Variants in DENND4C observed in about 807,000 individuals in gnomAD.
DENND4C encodes DENN domain-containing protein 4C.
A neutral mutation model predicts 203.0 loss-of-function variants in DENND4C; 108 were observed. The observed-to-expected ratio is 0.53, with a 90% CI of 0.46 to 0.62. DENND4C has a LOEUF of 0.62. Ranked by LOEUF, DENND4C falls within the 20% of genes least tolerant of loss-of-function variation. The probability of loss-of-function intolerance (pLI) is 0.00; values close to 1 mark genes in which losing one functional copy is unlikely to be tolerated. For synonymous variants in DENND4C, 871 were observed against 792.4 expected, an observed-to-expected ratio of 1.10 and a Z score of -1.67; for missense variants, 2,481 against 2,301.2, an observed-to-expected ratio of 1.08 and a Z score of -1.60.
intron 31 of DENND4C, 164 bp downstream of exon 31, chr9:19,370,151 C>T (rs992106430): frequency 4.7e-6 from 4 of 852,824 alleles, no homozygotes; most frequent in African/African-American, 3.6e-5. Flanking sequence ...TACTTGAACA[C>T]AAACACATAA....
At chr9:19,325,736 T>C (rs970511858) in intron 13 of DENND4C, among the ~76,000 whole-genome samples, 1 of 152,168 alleles carries the variant, frequency 6.6e-6, no homozygotes, top group African/African-American at 2.4e-5. Flanking sequence ...CTAATCAAAA[T>C]AGTTTTCTAT....
At chr9:19,371,266 G>GT (rs1437678643) in intron 31 of DENND4C, 1 of 152,744 alleles carries the variant, frequency 6.5e-6, no homozygotes, top group Non-Finnish European at 1.5e-5. Flanking sequence ...TTGCTATTGG[G>GT]TTAAATAGTA....
chr9:19,232,041 A>G (rs1429770245), intron 1 of DENND4C, among the ~76,000 whole-genome samples: 2 of 152,338 alleles, frequency 1.3e-5, no homozygotes, highest in Non-Finnish European at 2.9e-5. Context: ...TAAGAGCAAT[A>G]TTAGTTGCAA....
chr9:19,341,311 C>CTTTTTTTTT (rs5896841), intron 21 of DENND4C, among the ~76,000 whole-genome samples, 197 bp downstream of exon 21: 2 of 120,146 alleles, frequency 1.7e-5, no homozygotes, highest in Non-Finnish European at 1.7e-5. Context: ...TTCTTTCTTT[C>CTTTTTTTTT]TTTTTTTTTT....
Position 19,357,058 on chromosome 9 carries a change from T to A in DENND4C, c.4868T>A (p.Val1623Glu), listed in dbSNP as rs779262745. 5 of 1,613,858 alleles carry A rather than the reference T, an allele frequency of 3.1e-6. No individual in the cohort carries two copies. ...AATGAATCCTTGGAGCACAAACCTG[T>A]ATCCAGTTTAGCAGAACCTGACTTG... ...LANESLEHKP[V>E]SSLAEPDLIN... is the part of the protein sequence containing the mutation. Residue 1623 changes from valine to glutamate, a missense_variant, in exon 27 of 33, where the codon GTA becomes GAA. Coordinates refer to ENST00000434457, the MANE Select transcript of DENND4C (RefSeq NM_001330640.2).
chr9:19,316,850 T>C lies in DENND4C; in HGVS notation c.1807+11T>C, dbSNP rs770009232. Reference sequence around the variant, plus strand: ...TGTTTGACCGACAGGGTGAGTAGCATTGAAAGTACAATTCCTTTTATTGAG... The same window carrying C: ...TGTTTGACCGACAGGGTGAGTAGCACTGAAAGTACAATTCCTTTTATTGAG... On this transcript the variant is annotated intron_variant, in intron 12 of 32. Transcript: ENST00000434457. The C allele has an allele frequency of 3.8e-6, 6 of 1,597,672 alleles. No homozygotes were observed. The highest frequency in any genetic ancestry group is 4.5e-5 in the East Asian group (2 of 44,734).
At chr9:19,356,603 C>T (rs776360665) in intron 26 of DENND4C, among the ~76,000 whole-genome samples, 10 of 151,802 alleles carry the variant, frequency 6.6e-5, no homozygotes, top group Non-Finnish European at 1.5e-4. Flanking sequence ...GCTACTGCAG[C>T]TCTTTATTTT....
At chr9:19,359,817 T>C (rs1173274815) in intron 28 of DENND4C, among the ~76,000 whole-genome samples, 3 of 152,200 alleles carry the variant, frequency 2.0e-5, no homozygotes, top group Non-Finnish European at 4.4e-5. Flanking sequence ...TTGCAATCAG[T>C]TGTAAAAGTG....
rs554043091 is a variant in DENND4C, at chr9:19,292,094, G to A, written c.801+1218G>A. Among the ~76,000 whole-genome samples, 11 of 151,968 alleles carry A rather than the reference G, an allele frequency of 7.2e-5. No individual in the cohort carries two copies. In the East Asian group the frequency reaches 7.7e-4, roughly 11 times the overall value. ...GGCTGGAGTGCAGTGGTGCGATCTC[G>A]GCTCACTGCAACCTCCACCTACCAG... is the stretch of plus-strand genomic sequence containing the variant. On this transcript the variant is annotated intron_variant, in intron 5 of 32. Transcript: ENST00000434457.
chr9:19,343,843 A>T (rs1191853138), intron 22 of DENND4C, among the ~76,000 whole-genome samples: 1 of 152,202 alleles, frequency 6.6e-6, no homozygotes, highest in African/African-American at 2.4e-5. Flanking sequence ...GGGCGAGGAT[A>T]ATGGGGCTTT....
At chr9:19,300,066 A>G in intron 8 of DENND4C, 121 bp from the exon 9 acceptor site, 1 of 1,016,882 alleles carries the variant, frequency 9.8e-7, no homozygotes, top group Admixed American at 3.0e-5. Flanking sequence ...TTCATTGATA[A>G]ATAAGTAAAG....
At chr9:19,300,028 G>A (rs548674259) in intron 8 of DENND4C, among the ~76,000 whole-genome samples, 159 bp from the exon 9 acceptor site, 109 of 152,160 alleles carry the variant, frequency 7.2e-4, no homozygotes, top group African/African-American at 2.4e-3. Context: ...AAATCACCCC[G>A]TTATCTATCT....
chr9:19,362,111 T>TA (rs1437023587), intron 30 of DENND4C, 148 bp downstream of exon 30: 4 of 513,542 alleles, frequency 7.8e-6, no homozygotes. Flanking sequence ...CTGTCTCTAT[T>TA]AAAAATACAA....
intron 1 of DENND4C, among the ~76,000 whole-genome samples, chr9:19,256,996 G>A (rs1285177796): frequency 2.6e-5 from 4 of 151,910 alleles, no homozygotes; most frequent in African/African-American, 9.7e-5. Flanking sequence ...TGTGAACCTG[G>A]GAGGCGGAGG....
intron 12 of DENND4C, among the ~76,000 whole-genome samples, chr9:19,318,790 AATC>A (rs1282779888): frequency 6.6e-6 from 1 of 152,178 alleles, no homozygotes; most frequent in African/African-American, 2.4e-5. Context: ...TCTACCCAAT[AATC>A]CTCATTTTAG....
chr9:19,283,971 T>C (rs1483890204), intron 2 of DENND4C, among the ~76,000 whole-genome samples: 5 of 152,212 alleles, frequency 3.3e-5, no homozygotes, highest in African/African-American at 1.2e-4. Flanking sequence ...TTCATTGGCT[T>C]TCAACTGATT....
intron 1 of DENND4C, among the ~76,000 whole-genome samples, chr9:19,270,032 C>T (rs1241982840): frequency 6.6e-6 from 1 of 152,178 alleles, no homozygotes; most frequent in Non-Finnish European, 1.5e-5. Flanking sequence ...GCTGTATGGC[C>T]TTAGTGGTCT....
chr9:19,361,040 AT>A (rs1826372893), intron 29 of DENND4C, among the ~76,000 whole-genome samples: 2 of 151,964 alleles, frequency 1.3e-5, no homozygotes, highest in African/African-American at 4.8e-5. Flanking sequence ...CATCCAGTTA[AT>A]TTTTGTATTT....
At chr9:19,231,041 A>G (rs1019237596) in intron 1 of DENND4C, among the ~76,000 whole-genome samples, 1 of 152,128 alleles carries the variant, frequency 6.6e-6, no homozygotes, top group African/African-American at 2.4e-5. Flanking sequence ...GGGGGCGGGG[A>G]GTCCCCGGAT....
Sources: allele counts gnomAD v4.1 joint callset (sites outside exome capture counted in the v4.1 genomes callset), GRCh38; gene constraint gnomAD v4.1.1; transcripts MANE v1.5; gene names NCBI Gene and HGNC (gene_info 2026-07-23, HGNC 2026-07-21).